FRMD3: variants seen among roughly 807,000 people sequenced by gnomAD.
The protein encoded by FRMD3 is FERM domain-containing protein 3.
A neutral mutation model predicts 70.2 loss-of-function variants in FRMD3; 33 were observed. That is an observed-to-expected ratio of 0.47 (90% CI 0.36 to 0.63). The LOEUF is 0.63. Ranked by LOEUF, FRMD3 falls within the 20% of genes least tolerant of loss-of-function variation. The probability of loss-of-function intolerance (pLI) is 0.00; values close to 1 mark genes in which losing one functional copy is unlikely to be tolerated. For missense variants in FRMD3, 632 were observed against 711.4 expected (o/e 0.89, Z 1.27); for synonymous variants, 279 against 255.9 (o/e 1.09, Z -0.86).
rs1303229512 is a variant in FRMD3 at position 83,496,615 on chromosome 9, A to G, written c.147+41470T>C. On this transcript the variant is annotated intron_variant, in intron 1 of 13. Coordinates refer to ENST00000304195, the MANE Select transcript of FRMD3 (RefSeq NM_174938.6). ...AATCAGGGATATAATGACAGAAAGT[A>G]CATCCATGTAAGTTCCCCTTGAAAG... Among the ~76,000 whole-genome samples, 3 of 149,132 alleles carry G rather than the reference A, an allele frequency of 2.0e-5. No homozygotes were observed. In the East Asian group the frequency reaches 5.8e-4, roughly 29 times the overall value.
At chr9:83,452,178 G>A (rs538057135) in intron 1 of FRMD3, among the ~76,000 whole-genome samples, 3 of 152,282 alleles carry the variant, frequency 2.0e-5, no homozygotes, top group African/African-American at 7.2e-5. Flanking sequence ...TGATGCGGTA[G>A]ACGCTCCGTA....
chr9:83,256,499 C>T (rs751601814), intron 13 of FRMD3, among the ~76,000 whole-genome samples: 11 of 152,146 alleles, frequency 7.2e-5, no homozygotes, highest in African/African-American at 1.4e-4. Flanking sequence ...GCTATTGCAA[C>T]GAAAGCAAAA....
the FRMD3 span, among the ~76,000 whole-genome samples, chr9:83,561,602 C>T: frequency 6.6e-6 from 1 of 152,178 alleles, no homozygotes; most frequent in Non-Finnish European, 1.5e-5. Context: ...AGCTTCCATT[C>T]AGGAACCAGG....
chr9:83,393,479 C>T (rs1825725133), intron 1 of FRMD3, among the ~76,000 whole-genome samples: 1 of 151,928 alleles, frequency 6.6e-6, no homozygotes, highest in African/African-American at 2.4e-5. Flanking sequence ...ATTCAGGCAC[C>T]TAACATTTAT....
rs919578652 is a variant in FRMD3, at chr9:83,338,676, C to CA, written c.473-3038dup. 5.9e-5 allele frequency among the ~76,000 whole-genome samples: 9 copies of CA among 151,580 alleles called. No individual in the cohort carries two copies. In the East Asian group the frequency reaches 9.7e-4, roughly 16 times the overall value. Reference sequence around the variant, plus strand: ...TTTATGAAATTTAGAAGTATAGACACAAAAAAACAATATTAATCATTTTAT... The same window carrying CA: ...TTTATGAAATTTAGAAGTATAGACACAAAAAAAACAATATTAATCATTTTAT... On this transcript the variant is annotated intron_variant, in intron 5 of 13. Coordinates refer to ENST00000304195, the MANE Select transcript of FRMD3 (RefSeq NM_174938.6).
At chr9:83,408,781 T>G (rs373416393) in intron 1 of FRMD3, among the ~76,000 whole-genome samples, 2 of 152,174 alleles carry the variant, frequency 1.3e-5, no homozygotes, top group East Asian at 3.9e-4. Context: ...AGAGCAGAGT[T>G]AAGCTGCTAC....
At chr9:83,339,122 G>A (rs999280011) in intron 5 of FRMD3, among the ~76,000 whole-genome samples, 1 of 152,106 alleles carries the variant, frequency 6.6e-6, no homozygotes, top group Non-Finnish European at 1.5e-5. Flanking sequence ...AGGAAATCTT[G>A]TGAGATATTA....
At chr9:83,395,354 A>G (rs1403105860) in intron 1 of FRMD3, among the ~76,000 whole-genome samples, 2 of 151,398 alleles carry the variant, frequency 1.3e-5, no homozygotes, top group African/African-American at 4.9e-5. Flanking sequence ...TTTTACGTTC[A>G]TGGGTACATG....
At chr9:83,316,964 G>T (rs527332681) in intron 6 of FRMD3, among the ~76,000 whole-genome samples, 1 of 152,092 alleles carries the variant, frequency 6.6e-6, no homozygotes, top group South Asian at 2.1e-4. Context: ...CCACACTTTG[G>T]GAGGCTAAGG....
chr9:83,552,919 T>A, the FRMD3 span, among the ~76,000 whole-genome samples: 20 of 152,178 alleles, frequency 1.3e-4, no homozygotes, highest in South Asian at 6.2e-4. Flanking sequence ...ATCTTGCTTT[T>A]TTATTATTAT....
chr9:83,275,863 C>A (rs1833778660), intron 13 of FRMD3: 1 of 152,174 alleles, frequency 6.6e-6, no homozygotes, highest in Admixed American at 6.5e-5. Flanking sequence ...AGAGGCCAGA[C>A]AGGGAATTTC....
intron 13 of FRMD3, among the ~76,000 whole-genome samples, chr9:83,257,965 C>T (rs1832796611): frequency 6.6e-6 from 1 of 152,172 alleles, no homozygotes. Flanking sequence ...AGCAATATAA[C>T]TATGTTTTTA....
chr9:83,328,067 A>G (rs1836091940), intron 6 of FRMD3, among the ~76,000 whole-genome samples: 1 of 152,184 alleles, frequency 6.6e-6, no homozygotes, highest in Non-Finnish European at 1.5e-5. Context: ...GCAGCAACTT[A>G]GAAAGATATT....
intron 5 of FRMD3, among the ~76,000 whole-genome samples, chr9:83,339,096 GTGCCC>G (rs1246635734): frequency 1.3e-5 from 2 of 152,116 alleles, no homozygotes; most frequent in African/African-American, 4.8e-5. Flanking sequence ...GTTTTTCAGG[GTGCCC>G]TTTTCTTTCC....
rs568863352 is a variant in FRMD3 at position 83,514,286 on chromosome 9, T to C, written c.147+23799A>G. 1.2e-3 allele frequency among the ~76,000 whole-genome samples: 188 copies of C among 152,228 alleles called. 1 individual carries two copies. Among genetic ancestry groups the C allele is most frequent in the Middle Eastern group, 3.4e-3 (1 of 294 alleles). ...CTCGAGCTTGGTGGGGAGAGGGACG[T>C]CCACCATTACTGAGGCTTGACTAGG... On this transcript the variant is annotated intron_variant, in intron 1 of 13. Coordinates refer to ENST00000304195, the MANE Select transcript of FRMD3 (RefSeq NM_174938.6).
At chr9:83,319,222 T>C (rs1021302353) in intron 6 of FRMD3, among the ~76,000 whole-genome samples, 2 of 152,196 alleles carry the variant, frequency 1.3e-5, no homozygotes, top group Non-Finnish European at 2.9e-5. Context: ...ATTTTTGTTT[T>C]GTTGCATTTT....
intron 1 of FRMD3, among the ~76,000 whole-genome samples, chr9:83,507,679 AAAATATACATACATAT>A: frequency 9.5e-6 from 1 of 105,638 alleles, no homozygotes; most frequent in African/African-American, 3.6e-5. Flanking sequence ...CAAACAAAAA[AAAATATACATACATAT>A]ATATATATAT....
intron 13 of FRMD3, among the ~76,000 whole-genome samples, chr9:83,274,862 A>G (rs1833743671): frequency 6.6e-6 from 1 of 152,214 alleles, no homozygotes; most frequent in Non-Finnish European, 1.5e-5. Flanking sequence ...AAGAAGAGAT[A>G]GCAGGGAACA....
At chr9:83,505,613 A>G (rs189133563) in intron 1 of FRMD3, among the ~76,000 whole-genome samples, 1 of 152,314 alleles carries the variant, frequency 6.6e-6, no homozygotes, top group East Asian at 1.9e-4. Flanking sequence ...CTGCAGGTTC[A>G]GCACAACAAC....
Sources: allele counts gnomAD v4.1 joint callset (sites outside exome capture counted in the v4.1 genomes callset), GRCh38; gene constraint gnomAD v4.1.1; transcripts MANE v1.5; gene names NCBI Gene and HGNC (gene_info 2026-07-23, HGNC 2026-07-21).